Variants in KIAA1958 observed in about 807,000 individuals in gnomAD.
KIAA1958 encodes KIAA1958.
A neutral mutation model predicts 47.2 loss-of-function variants in KIAA1958; 14 were observed. The ratio of observed to expected loss-of-function variants is 0.30; its 90% CI spans 0.20 to 0.46. The LOEUF (loss-of-function observed/expected upper bound fraction) is 0.46. KIAA1958 is among the 20% of genes least tolerant of loss of function. The pLI is 1.00. For synonymous variants in KIAA1958, 354 were observed against 353.3 expected (o/e 1.00, Z -0.02); for missense variants, 803 against 909.2 (o/e 0.88, Z 1.50).
At chr9:112,535,229 C>T (rs1430117729) in intron 1 of KIAA1958, among the ~76,000 whole-genome samples, 6 of 152,148 alleles carry the variant, frequency 3.9e-5, no homozygotes, top group African/African-American at 1.2e-4. Context: ...CCTTTGACCA[C>T]CATTTTTTCA....
chr9:112,646,580 A>C (rs1164875383), intron 3 of KIAA1958, among the ~76,000 whole-genome samples: 1 of 152,178 alleles, frequency 6.6e-6, no homozygotes, highest in African/African-American at 2.4e-5. Flanking sequence ...ATTTCTTCCA[A>C]CTTGAAAGCC....
At chr9:112,533,480 C>T (rs1834789408) in intron 1 of KIAA1958, among the ~76,000 whole-genome samples, 1 of 147,026 alleles carries the variant, frequency 6.8e-6, no homozygotes, top group African/African-American at 2.5e-5. Flanking sequence ...ACTCAGGAGG[C>T]GGAGGCAGTA....
At chr9:112,593,660 A>G (rs1835964957) in intron 2 of KIAA1958, among the ~76,000 whole-genome samples, 1 of 151,898 alleles carries the variant, frequency 6.6e-6, no homozygotes, top group East Asian at 1.9e-4. Context: ...CAGTCCTCCC[A>G]CCTTGGCCTC....
intron 2 of KIAA1958, among the ~76,000 whole-genome samples, chr9:112,603,532 G>A (rs1361516178): frequency 6.6e-6 from 1 of 152,060 alleles, no homozygotes; most frequent in Admixed American, 6.6e-5. Flanking sequence ...TTCCACCATG[G>A]ATTAGAGCCC....
Position 112,574,739 on chromosome 9 carries a change from CAGG to C in KIAA1958, c.665_667del (p.Gly222del). On this transcript the variant is annotated inframe_deletion, in exon 2 of 4. Coordinates refer to ENST00000337530, the MANE Select transcript of KIAA1958 (RefSeq NM_133465.4). ...TACATTGTGGCAAATGCAGAACTGA[CAGG>C]AGGAGTAGATGGACCAGCCCTGTCC... The C allele has an allele frequency of 1.2e-6, 2 of 1,614,152 alleles. No individual in the cohort carries two copies. Among genetic ancestry groups the C allele is most frequent in the East Asian group, 2.2e-5 (1 of 44,876 alleles).
chr9:112,624,186 G>A (rs1454499644), intron 2 of KIAA1958, among the ~76,000 whole-genome samples: 3 of 152,152 alleles, frequency 2.0e-5, no homozygotes, highest in Admixed American at 1.3e-4. Context: ...GAAAGAATTA[G>A]CAAGTTCTCT....
At chr9:112,637,505 G>T (rs1257194095) in intron 2 of KIAA1958, among the ~76,000 whole-genome samples, 1 of 151,992 alleles carries the variant, frequency 6.6e-6, no homozygotes, top group African/African-American at 2.4e-5. Context: ...AGCCTCCTTA[G>T]TAACTGGGAT....
chr9:112,522,262 T>G (rs1834558846), intron 1 of KIAA1958, among the ~76,000 whole-genome samples: 1 of 152,234 alleles, frequency 6.6e-6, no homozygotes, highest in Non-Finnish European at 1.5e-5. Context: ...TGAGCCACCG[T>G]GCCCAGCCAC....
intron 1 of KIAA1958, among the ~76,000 whole-genome samples, chr9:112,502,060 A>T (rs1834150981): frequency 6.6e-6 from 1 of 152,232 alleles, no homozygotes; most frequent in South Asian, 2.1e-4. Context: ...TCAAATTAGC[A>T]AAAGTATGAA....
intron 2 of KIAA1958, among the ~76,000 whole-genome samples, chr9:112,585,370 G>A (rs140894256): frequency 4.1e-4 from 62 of 152,338 alleles, no homozygotes; most frequent in African/African-American, 1.5e-3. Flanking sequence ...TATATTTCAG[G>A]TAGAAGGAAT....
At chr9:112,544,671 G>T (rs1044206565) in intron 1 of KIAA1958, among the ~76,000 whole-genome samples, 1 of 152,166 alleles carries the variant, frequency 6.6e-6, no homozygotes, top group Non-Finnish European at 1.5e-5. Flanking sequence ...CAGTGGAAAT[G>T]ACTAATTTTT....
chr9:112,625,947 GTTTAA>G (rs1166383506), intron 2 of KIAA1958, among the ~76,000 whole-genome samples: 3 of 152,156 alleles, frequency 2.0e-5, no homozygotes, highest in Non-Finnish European at 2.9e-5. Context: ...ATACATTTTT[GTTTAA>G]TTTGATATTC....
At chr9:112,496,103 T>C (rs1484450089) in intron 1 of KIAA1958, among the ~76,000 whole-genome samples, 1 of 152,172 alleles carries the variant, frequency 6.6e-6, no homozygotes, top group Non-Finnish European at 1.5e-5. Flanking sequence ...AAACATAGAA[T>C]TGTGAGAAAT....
chr9:112,584,480 A>T lies in KIAA1958; in HGVS notation c.1171+9229A>T, dbSNP rs140668877. Among the ~76,000 whole-genome samples, 545 of 152,340 alleles carry T rather than the reference A, an allele frequency of 3.6e-3. 3 individuals are homozygous for T. Among genetic ancestry groups the T allele is most frequent in the African/African-American group, 0.012 (514 of 41,582 alleles). On this transcript the variant is annotated intron_variant, in intron 2 of 3. Transcript: ENST00000337530. Reference sequence around the variant, plus strand: ...ACATTATTGCTGTTACCGAATGTGGAGTATTTTTGTTAGAAAGCAAAAGTT... The same window carrying T: ...ACATTATTGCTGTTACCGAATGTGGTGTATTTTTGTTAGAAAGCAAAAGTT...
Position 112,533,182 on chromosome 9 carries a change from T to TTA in KIAA1958, c.-24-40866_-24-40865dup, listed in dbSNP as rs1177671265. Among the ~76,000 whole-genome samples the TTA allele has an allele frequency of 1.1e-4, 16 of 152,136 alleles. No individual in the cohort carries two copies. The South Asian group carries it at 2.9e-3, about 28-fold the overall frequency. On this transcript the variant is annotated intron_variant, in intron 1 of 3. Transcript: ENST00000337530. ...TTAAGTAATGCGTCAGTGAGTATTCTTATATATATAAAGTCTCTAATTTTT... is the reference window on the plus strand; with the variant it reads ...TTAAGTAATGCGTCAGTGAGTATTCTTATATATATATAAAGTCTCTAATTTTT...
intron 1 of KIAA1958, among the ~76,000 whole-genome samples, chr9:112,562,785 T>C (rs1835356071): frequency 6.6e-6 from 1 of 152,096 alleles, no homozygotes; most frequent in Non-Finnish European, 1.5e-5. Flanking sequence ...TTTTCCTTCT[T>C]TTTTGTTTTT....
At chr9:112,503,582 A>G (rs1168929188) in intron 1 of KIAA1958, among the ~76,000 whole-genome samples, 1 of 138,798 alleles carries the variant, frequency 7.2e-6, no homozygotes, top group Non-Finnish European at 1.5e-5. Context: ...ATACCACTGT[A>G]CTCCAGCCTG....
intron 3 of KIAA1958, among the ~76,000 whole-genome samples, chr9:112,649,001 G>A (rs1458775270): frequency 2.0e-5 from 3 of 151,808 alleles, no homozygotes; most frequent in African/African-American, 2.4e-5. Flanking sequence ...GTAGAGACAT[G>A]GAAAATATAA....
chr9:112,567,288 A>G (rs1277146392), intron 1 of KIAA1958, among the ~76,000 whole-genome samples: 4 of 152,234 alleles, frequency 2.6e-5, no homozygotes, highest in East Asian at 3.8e-4. Flanking sequence ...GATCAAGAGT[A>G]TATCTTTCCC....
Sources: gnomAD v4.1 joint callset for allele counts (sites outside exome capture counted in the v4.1 genomes callset) on GRCh38, gnomAD v4.1.1 for gene constraint, MANE v1.5 for transcripts, NCBI Gene and HGNC (gene_info 2026-07-23, HGNC 2026-07-21) for gene names.